The following MYH15 variants were observed in gnomAD, a reference collection of about 807,000 sequenced individuals.
MYH15 encodes the protein myosin-15.
In MYH15, 227 loss-of-function variants were observed where a neutral mutation model predicts 240.5. The observed-to-expected ratio is 0.94, with a 90% CI of 0.85 to 1.05. MYH15 has a LOEUF of 1.05. Ranked by LOEUF, MYH15 falls within the 50% of genes least tolerant of loss-of-function variation. MYH15 has a pLI of 0.00. For missense variants in MYH15, 2,217 were observed against 2,247.5 expected (o/e 0.99, Z 0.27); for synonymous variants, 785 against 796.7 (o/e 0.99, Z 0.25).
intron 25 of MYH15, among the ~76,000 whole-genome samples, chr3:108,434,709 C>T (rs534721351): frequency 1.4e-3 from 208 of 152,214 alleles, no homozygotes; most frequent in Non-Finnish European, 1.9e-3. Context: ...TTTGCTTTTA[C>T]AAATCAAACT....
At chr3:108,547,049 C>A in the MYH15 span, among the ~76,000 whole-genome samples, 3 of 151,494 alleles carry the variant, frequency 2.0e-5, no homozygotes, top group Non-Finnish European at 2.9e-5. Flanking sequence ...CATAAAAAAT[C>A]AATGAAACAT....
In MYH15 at chr3:108,398,711, T is replaced by C; in HGVS notation, c.5059A>G (p.Thr1687Ala). Residue 1687 changes from threonine to alanine, a missense_variant, in exon 35 of 41, where the codon ACA becomes GCA. Physicochemically the swap from Thr to Ala is moderately conservative, Grantham distance 58. Coordinates refer to ENST00000693548, the MANE Select transcript of MYH15 (RefSeq NM_014981.3). ...TCTGACAGCCTGCGGCCACGCTCTG[T>C]CTGCTCTTGCAGGGACCTTAGATCC... ...LEDLRSLQEQ[T>A]ERGRRLSEEE... 1.2e-6 allele frequency: 2 copies of C among 1,614,186 alleles called. No individual in the cohort carries two copies.
chr3:108,439,688 T>A (rs529740430), intron 24 of MYH15, 49 bp downstream of exon 24: 1 of 1,356,010 alleles, frequency 7.4e-7, no homozygotes, highest in Non-Finnish European at 9.7e-7. Context: ...ACTGGAGTTA[T>A]GTGTATATGT....
At chr3:108,484,202 T>C (rs1455165003) in intron 11 of MYH15, among the ~76,000 whole-genome samples, 1 of 152,218 alleles carries the variant, frequency 6.6e-6, no homozygotes, top group African/African-American at 2.4e-5. Context: ...TTAAAGGTAA[T>C]AACAACTATG....
intron 27 of MYH15, among the ~76,000 whole-genome samples, chr3:108,426,889 C>A (rs1560350105): frequency 6.6e-6 from 1 of 152,196 alleles, no homozygotes; most frequent in Non-Finnish European, 1.5e-5. Context: ...GACATGGAGT[C>A]AAAAAGATTA....
chr3:108,466,945 T>C (rs947111644), intron 14 of MYH15, among the ~76,000 whole-genome samples: 2 of 152,170 alleles, frequency 1.3e-5, no homozygotes. Flanking sequence ...AAACAAATAG[T>C]TGCAAAATAG....
chr3:108,513,359 CA>C (rs1479256256), upstream of MYH15, among the ~76,000 whole-genome samples: 1 of 152,074 alleles, frequency 6.6e-6, no homozygotes, highest in Non-Finnish European at 1.5e-5. Flanking sequence ...CATATATTTA[CA>C]AGACAGAAGA....
At chr3:108,503,599 A>G (rs929897987) in intron 2 of MYH15, among the ~76,000 whole-genome samples, 2 of 152,252 alleles carry the variant, frequency 1.3e-5, no homozygotes, top group Non-Finnish European at 2.9e-5. Context: ...TAAAAATCAC[A>G]TTAAAATACC....
intron 31 of MYH15, among the ~76,000 whole-genome samples, chr3:108,409,529 T>C (rs529186449): frequency 6.6e-6 from 1 of 152,350 alleles, no homozygotes; most frequent in African/African-American, 2.4e-5. Context: ...TAAAGTTTTC[T>C]AACCACTGTT....
chr3:108,410,325 G>A (rs187567901), intron 31 of MYH15, among the ~76,000 whole-genome samples: 386 of 152,242 alleles, frequency 2.5e-3, no homozygotes, highest in African/African-American at 8.7e-3. Context: ...TACGGTTGTG[G>A]ATATCAAGAA....
In MYH15 at chr3:108,398,727, C is replaced by A. The variant is rs760232088; in HGVS notation, c.5043G>T (p.Arg1681Ser). The A allele has an allele frequency of 1.2e-6, 2 of 1,614,184 alleles. No homozygotes were observed. The highest frequency in any genetic ancestry group is 8.5e-7 in the Non-Finnish European group (1 of 1,180,046). The change falls in exon 35 of 41, where the codon AGG becomes AGT. Residue 1681 changes from arginine (R) to serine (S), a missense_variant. Physicochemically the swap from Arg to Ser is moderately radical, Grantham distance 110 (BLOSUM62 -1). Coordinates refer to ENST00000693548, the MANE Select transcript of MYH15 (RefSeq NM_014981.3). ...CACGCTCTGTCTGCTCTTGCAGGGA[C>A]CTTAGATCCTCTAGTTCAGACTGAA... ...SLLQSELEDL[R>S]SLQEQTERGR...
At chr3:108,426,596 T>C (rs9842751) in intron 27 of MYH15, among the ~76,000 whole-genome samples, 127,146 of 152,206 alleles carry the variant, frequency 0.84, 53,604 homozygotes, top group Non-Finnish European at 0.87. Flanking sequence ...AGCATAGCTC[T>C]TCCACCTAGA....
At chr3:108,459,824 T>G (rs2083056110) in intron 17 of MYH15, among the ~76,000 whole-genome samples, 1 of 152,156 alleles carries the variant, frequency 6.6e-6, no homozygotes. Context: ...AGATGGGAAT[T>G]CTGGTTCAAG....
intron 15 of MYH15, among the ~76,000 whole-genome samples, chr3:108,464,234 G>A (rs2083095070): frequency 6.6e-6 from 1 of 152,154 alleles, no homozygotes; most frequent in African/African-American, 2.4e-5. Context: ...CCATAGTTTG[G>A]AGACCATTAC....
chr3:108,523,382 T>C (rs1301460678), intron 1 of MYH15, among the ~76,000 whole-genome samples: 1 of 151,952 alleles, frequency 6.6e-6, no homozygotes, highest in Non-Finnish European at 1.5e-5. Context: ...TAGATATATA[T>C]CATACTGAAA....
chr3:108,469,612 G>A (rs903425621), intron 14 of MYH15, among the ~76,000 whole-genome samples: 7 of 152,222 alleles, frequency 4.6e-5, no homozygotes, highest in Non-Finnish European at 7.3e-5. Context: ...CTTGAGGATT[G>A]ATGGCAGTTG....
chr3:108,507,258 T>TTCACATATGA (rs772256475), intron 1 of MYH15, among the ~76,000 whole-genome samples: 597 of 56,912 alleles, frequency 0.01, 27 homozygotes, highest in Non-Finnish European at 0.019. Context: ...TATATATATA[T>TTCACATATGA]ATATATATAT....
intron 21 of MYH15, among the ~76,000 whole-genome samples, chr3:108,446,294 C>T (rs913228023): frequency 6.6e-6 from 1 of 152,190 alleles, no homozygotes; most frequent in African/African-American, 2.4e-5. Context: ...CTAGTGTATA[C>T]AGCCTCCAGG....
chr3:108,421,733 G>A (rs9825000), intron 27 of MYH15, among the ~76,000 whole-genome samples: 2 of 152,252 alleles, frequency 1.3e-5, no homozygotes, highest in East Asian at 3.9e-4. Flanking sequence ...AATCTAGAAG[G>A]CTGCCCAAGC....
Sources: gnomAD v4.1 joint callset for allele counts (sites outside exome capture counted in the v4.1 genomes callset) on GRCh38, gnomAD v4.1.1 for gene constraint, MANE v1.5 for transcripts, NCBI Gene and HGNC (gene_info 2026-07-23, HGNC 2026-07-21) for gene names.